RAB6A: variants seen among roughly 807,000 people sequenced by gnomAD.
RAB6A encodes the protein ras-related protein Rab-6A.
In RAB6A, 8 loss-of-function variants were observed where a neutral mutation model predicts 32.3. The observed-to-expected ratio is 0.25, with a 90% CI of 0.15 to 0.45. RAB6A has a LOEUF of 0.45. RAB6A is among the 20% of genes least tolerant of loss of function. The pLI is 1.00. For missense variants in RAB6A, 104 were observed against 249.4 expected (o/e 0.42, Z 3.93); for synonymous variants, 73 against 82.1 (o/e 0.89, Z 0.60).
chr11:73,714,229 T>TATATATATAC (rs79775489), intron 5 of RAB6A, among the ~76,000 whole-genome samples: 141 of 117,414 alleles, frequency 1.2e-3, no homozygotes, highest in Non-Finnish European at 1.7e-3. Flanking sequence ...TATATATATA[T>TATATATATAC]ACACACATAT....
At chr11:73,749,572 A>G (rs1355605160) in intron 1 of RAB6A, among the ~76,000 whole-genome samples, 1 of 152,178 alleles carries the variant, frequency 6.6e-6, no homozygotes, top group Non-Finnish European at 1.5e-5. Context: ...GGCTGGGCTC[A>G]GTGGCTCATG....
rs539265078 is a variant in RAB6A at position 73,718,473 on chromosome 11, T to C, written c.289+140A>G. ...GTATAAACACCAAAGCAAATATTTC[T>C]GACCTGGCTGGTATGTAATTTACTA... On this transcript the variant is annotated intron_variant, in intron 4 of 7. Coordinates refer to ENST00000336083, the MANE Select transcript of RAB6A (RefSeq NM_198896.2). 2.2e-5 allele frequency: 16 copies of C among 717,622 alleles called. No homozygotes were observed. The African/African-American group carries it at 2.9e-4, about 13-fold the overall frequency. 44.5% of individuals were successfully genotyped at this position (717,622 alleles called of 1,614,324 possible).
At chr11:73,756,527 T>A (rs1306303618) in intron 1 of RAB6A, among the ~76,000 whole-genome samples, 1 of 152,230 alleles carries the variant, frequency 6.6e-6, no homozygotes, top group East Asian at 1.9e-4. Context: ...TCTCCTAATT[T>A]ATAATTGGTA....
At chr11:73,690,389 A>T (rs1218333869) in intron 6 of RAB6A, among the ~76,000 whole-genome samples, 1 of 151,940 alleles carries the variant, frequency 6.6e-6, no homozygotes, top group Non-Finnish European at 1.5e-5. Context: ...TGTCTAATAA[A>T]ATCTTTTTAA....
At chr11:73,751,222 T>A (rs932812112) in intron 1 of RAB6A, among the ~76,000 whole-genome samples, 65 of 152,072 alleles carry the variant, frequency 4.3e-4, no homozygotes, top group African/African-American at 1.2e-3. Flanking sequence ...CGGGCTGTAG[T>A]ACGCTATAAT....
chr11:73,709,352 G>A (rs1245049317), intron 5 of RAB6A, among the ~76,000 whole-genome samples: 4 of 151,584 alleles, frequency 2.6e-5, no homozygotes, highest in Admixed American at 2.6e-4. Flanking sequence ...AGGGAGTGAC[G>A]GAGGGAGGGA....
chr11:73,733,673 CA>C (rs2134978537), intron 1 of RAB6A, among the ~76,000 whole-genome samples: 1 of 151,706 alleles, frequency 6.6e-6, no homozygotes, highest in South Asian at 2.1e-4. Flanking sequence ...ATTGTATGAA[CA>C]AATTTCAGAC....
intron 2 of RAB6A, chr11:73,722,341 ATATTTTTTT>A (rs1357500254): frequency 0.032 from 279 of 8,786 alleles, 12 homozygotes; most frequent in African/African-American, 0.076. Flanking sequence ...ATATATATAT[ATATTTTTTT>A]TTTTTTTTTT....
intron 3 of RAB6A, chr11:73,718,921 A>C (rs1946093725): frequency 6.4e-7 from 1 of 1,553,688 alleles, no homozygotes; most frequent in Non-Finnish European, 8.7e-7. Context: ...AATAAAAAAA[A>C]AAAAACCAAA....
chr11:73,702,582 T>C (rs1179763483), intron 6 of RAB6A, among the ~76,000 whole-genome samples: 3 of 152,214 alleles, frequency 2.0e-5, no homozygotes, highest in Admixed American at 6.5e-5. Context: ...AGATAGACCA[T>C]ATGATAGGCC....
chr11:73,736,467 T>A (rs1946394943), intron 1 of RAB6A, among the ~76,000 whole-genome samples: 2 of 150,118 alleles, frequency 1.3e-5, no homozygotes, highest in South Asian at 4.2e-4. Flanking sequence ...GTGAAAGTAA[T>A]TCTAGATGAA....
chr11:73,676,455 A>G lies in RAB6A; in HGVS notation c.*1443T>C, dbSNP rs960913310. Reference sequence around the variant, plus strand: ...CATGGTGAAGCTCTAAATAGATTCAACGAAACATCTGAAGATTGAAAGTTG... The same window carrying G: ...CATGGTGAAGCTCTAAATAGATTCAGCGAAACATCTGAAGATTGAAAGTTG... On this transcript the variant is annotated 3_prime_UTR_variant, in exon 8 of 8. Coordinates refer to ENST00000336083, the MANE Select transcript of RAB6A (RefSeq NM_198896.2). The G allele has an allele frequency of 1.2e-5, 2 of 167,012 alleles. No individual in the cohort carries two copies. The highest frequency in any genetic ancestry group is 2.4e-5 in the African/African-American group (1 of 41,424). The allele number at this position is 167,012 out of a possible 1,614,324, so 10.3% of individuals were successfully genotyped here.
intron 1 of RAB6A, among the ~76,000 whole-genome samples, chr11:73,732,548 C>T (rs1199827505): frequency 4.6e-5 from 7 of 152,204 alleles, no homozygotes; most frequent in African/African-American, 1.7e-4. Flanking sequence ...ACTGCGCCAC[C>T]GCGCTCCAGA....
At chr11:73,717,505 C>T (rs368500102) in intron 4 of RAB6A, among the ~76,000 whole-genome samples, 32 of 152,310 alleles carry the variant, frequency 2.1e-4, no homozygotes, top group African/African-American at 7.0e-4. Flanking sequence ...AGTGCAATGG[C>T]ACGGTCTTGG....
At position 73,760,978 on chromosome 11, in the gene RAB6A, G is replaced by T. The variant is rs1946836619; in HGVS notation, c.-343C>A. The T allele has an allele frequency of 3.9e-6, 1 of 256,470 alleles. No homozygotes were observed. 15.9% of individuals were successfully genotyped at this position (256,470 alleles called of 1,614,324 possible). A position where few individuals can be genotyped will look rare whatever the true frequency, so the allele number is the denominator to read the frequency against. On this transcript the variant is annotated 5_prime_UTR_variant, in exon 1 of 8. Transcript: ENST00000336083. ...CAGACCTGGGGAAGAGAAGCTGAGG[G>T]TGGCGGAGCCGGAACCGCAGACGTA...
chr11:73,742,648 C>T (rs558407411), intron 1 of RAB6A, among the ~76,000 whole-genome samples: 181 of 152,128 alleles, frequency 1.2e-3, no homozygotes, highest in Admixed American at 6.4e-3. Flanking sequence ...CCCGTCGCTA[C>T]TAAAAATACA....
At chr11:73,682,460 G>C (rs538779444) in intron 6 of RAB6A, among the ~76,000 whole-genome samples, 2 of 152,126 alleles carry the variant, frequency 1.3e-5, no homozygotes, top group African/African-American at 4.8e-5. Context: ...TCAGGAGATC[G>C]AGACCATCTT....
At chr11:73,713,538 A>T (rs1946000673) in intron 5 of RAB6A, among the ~76,000 whole-genome samples, 1 of 151,038 alleles carries the variant, frequency 6.6e-6, no homozygotes, top group Non-Finnish European at 1.5e-5. Flanking sequence ...ACTGCACTCC[A>T]GGCTGGGAGA....
chr11:73,684,043 G>A (rs1945401009), intron 6 of RAB6A, among the ~76,000 whole-genome samples: 1 of 152,168 alleles, frequency 6.6e-6, no homozygotes, highest in Admixed American at 6.5e-5. Context: ...TCGGTCAGCA[G>A]ACATTAACAT....
Sources: allele counts gnomAD v4.1 joint callset (sites outside exome capture counted in the v4.1 genomes callset), GRCh38; gene constraint gnomAD v4.1.1; transcripts MANE v1.5; gene names NCBI Gene and HGNC (gene_info 2026-07-23, HGNC 2026-07-21).